Variants in MAML3 observed in about 807,000 individuals in gnomAD.
MAML3 encodes mastermind like transcriptional coactivator 3.
Under a neutral mutation model 101.9 loss-of-function variants are expected in MAML3, and 27 were observed. That is an observed-to-expected ratio of 0.27 (90% CI 0.20 to 0.37). MAML3 has a LOEUF of 0.37. MAML3 is among the 10% of genes least tolerant of loss of function. The probability of loss-of-function intolerance (pLI) is 1.00; values close to 1 mark genes in which losing one functional copy is unlikely to be tolerated. For missense variants in MAML3, 1,316 were observed against 1,444.9 expected, an observed-to-expected ratio of 0.91 and a Z score of 1.45; for synonymous variants, 501 against 555.9, an observed-to-expected ratio of 0.90 and a Z score of 1.39.
chr4:140,085,718 G>A (rs1344920698), intron 1 of MAML3, among the ~76,000 whole-genome samples: 5 of 152,072 alleles, frequency 3.3e-5, no homozygotes, highest in African/African-American at 9.7e-5. Context: ...CTTAACCCAC[G>A]GGTACCTTTC....
At chr4:140,136,115 T>C (rs1310342745) in intron 1 of MAML3, among the ~76,000 whole-genome samples, 3 of 152,166 alleles carry the variant, frequency 2.0e-5, no homozygotes, top group South Asian at 2.1e-4. Flanking sequence ...GTTCAATTTA[T>C]AGGGAAATCC....
At chr4:139,996,351 G>C (rs1303565152) in intron 1 of MAML3, among the ~76,000 whole-genome samples, 1 of 152,160 alleles carries the variant, frequency 6.6e-6, no homozygotes, top group African/African-American at 2.4e-5. Flanking sequence ...AATAGTGAGA[G>C]TGGGGTATTG....
At chr4:139,739,679 G>GTTTCTT (rs200037455) in intron 2 of MAML3, among the ~76,000 whole-genome samples, 3 of 132,358 alleles carry the variant, frequency 2.3e-5, no homozygotes, top group Non-Finnish European at 4.7e-5. Flanking sequence ...GAGGAAAGCA[G>GTTTCTT]TTTTTTTTTT....
chr4:140,057,932 C>T (rs1435491943), intron 1 of MAML3, among the ~76,000 whole-genome samples: 2 of 146,448 alleles, frequency 1.4e-5, no homozygotes, highest in Non-Finnish European at 3.0e-5. Flanking sequence ...GTGAAGGCCC[C>T]CACCGCCACC....
chr4:140,115,395 C>T (rs1342573828), intron 1 of MAML3, among the ~76,000 whole-genome samples: 1 of 152,208 alleles, frequency 6.6e-6, no homozygotes, highest in Non-Finnish European at 1.5e-5. Context: ...TCTCAATGAG[C>T]AATTCATAAA....
At position 140,064,752 on chromosome 4, in the gene MAML3, A is replaced by T. The variant is rs1399554857; in HGVS notation, c.468+88108T>A. Among the ~76,000 whole-genome samples the T allele has an allele frequency of 2.6e-5, 4 of 152,078 alleles. No individual in the cohort carries two copies. In the East Asian group the frequency reaches 7.7e-4, roughly 29 times the overall value. The stretch of plus-strand genomic sequence containing the variant: ...AAGAACTCGCCTTCCTTCTCTGTCC[A>T]CCTATCAGCAAATCACCACTTCTCT... On this transcript the variant is annotated intron_variant, in intron 1 of 4. Coordinates refer to ENST00000509479, the MANE Select transcript of MAML3 (RefSeq NM_018717.5).
At chr4:140,057,566 C>T (rs1489300936) in intron 1 of MAML3, among the ~76,000 whole-genome samples, 1 of 152,130 alleles carries the variant, frequency 6.6e-6, no homozygotes, top group Non-Finnish European at 1.5e-5. Context: ...TTATGGAAAT[C>T]TTTCTAAAAC....
At chr4:139,898,127 A>G (rs1732647687) in intron 1 of MAML3, among the ~76,000 whole-genome samples, 2 of 152,224 alleles carry the variant, frequency 1.3e-5, no homozygotes, top group Admixed American at 6.5e-5. Context: ...ATATCACACT[A>G]TAACTATTTT....
chr4:139,900,668 C>T (rs1732701275), intron 1 of MAML3, among the ~76,000 whole-genome samples: 1 of 152,226 alleles, frequency 6.6e-6, no homozygotes, highest in Non-Finnish European at 1.5e-5. Flanking sequence ...AAATTATCAA[C>T]TACTCATTAA....
chr4:140,125,849 G>A (rs113853160), intron 1 of MAML3, among the ~76,000 whole-genome samples: 7,430 of 152,174 alleles, frequency 0.049, 629 homozygotes, highest in African/African-American at 0.17. Context: ...TGCAATCTTG[G>A]CTCACTGCAA....
intron 1 of MAML3, among the ~76,000 whole-genome samples, chr4:139,946,514 A>G (rs1448540460): frequency 6.6e-6 from 1 of 152,180 alleles, no homozygotes; most frequent in Admixed American, 6.5e-5. Flanking sequence ...TAGTCAATAA[A>G]TAACTATACC....
intron 2 of MAML3, among the ~76,000 whole-genome samples, chr4:139,850,912 AAAAAG>A (rs759964187): frequency 5.9e-5 from 9 of 151,744 alleles, no homozygotes; most frequent in Admixed American, 3.3e-4. Flanking sequence ...TTAAAAAAAA[AAAAAG>A]AGAGAGAGAG....
intron 1 of MAML3, among the ~76,000 whole-genome samples, chr4:139,920,793 C>T (rs1335507869): frequency 1.3e-5 from 2 of 152,240 alleles, no homozygotes; most frequent in Non-Finnish European, 1.5e-5. Context: ...CACTGGAGTC[C>T]GCAGGATGAC....
At chr4:139,879,119 A>G (rs920065669) in intron 2 of MAML3, among the ~76,000 whole-genome samples, 2 of 152,234 alleles carry the variant, frequency 1.3e-5, no homozygotes, top group South Asian at 4.1e-4. Flanking sequence ...AATATTTAGC[A>G]ATGAAATAAA....
chr4:140,113,586 C>T (rs1185631325), intron 1 of MAML3, among the ~76,000 whole-genome samples: 1 of 152,170 alleles, frequency 6.6e-6, no homozygotes, highest in Non-Finnish European at 1.5e-5. Context: ...AACTACATTC[C>T]TACTCGGTGG....
chr4:140,026,991 T>C (rs978644015), intron 1 of MAML3, among the ~76,000 whole-genome samples: 1 of 151,354 alleles, frequency 6.6e-6, no homozygotes, highest in African/African-American at 2.4e-5. Context: ...CCTTAGATCA[T>C]AATTAAAAAC....
intron 2 of MAML3, among the ~76,000 whole-genome samples, chr4:139,821,490 C>T (rs1730973127): frequency 6.6e-6 from 1 of 152,162 alleles, no homozygotes; most frequent in Non-Finnish European, 1.5e-5. Flanking sequence ...CCCGGCCGAC[C>T]CCTGGTCTGT....
chr4:140,081,152 G>C (rs1000608954), intron 1 of MAML3, among the ~76,000 whole-genome samples: 1 of 151,856 alleles, frequency 6.6e-6, no homozygotes, highest in Non-Finnish European at 1.5e-5. Flanking sequence ...AATATTTTAG[G>C]CTTCCTCTGC....
intron 1 of MAML3, among the ~76,000 whole-genome samples, chr4:140,072,609 G>A (rs1727679326): frequency 1.3e-5 from 2 of 151,526 alleles, no homozygotes; most frequent in Non-Finnish European, 2.9e-5. Context: ...GGCAGAGATT[G>A]TGGTGAGCCA....
Sources: gnomAD v4.1 joint callset for allele counts (sites outside exome capture counted in the v4.1 genomes callset) on GRCh38, gnomAD v4.1.1 for gene constraint, MANE v1.5 for transcripts, NCBI Gene and HGNC (gene_info 2026-07-23, HGNC 2026-07-21) for gene names.